The following ABCC8 variants were observed in gnomAD, a reference collection of about 807,000 sequenced individuals.
ABCC8 encodes ATP binding cassette subfamily C member 8.
ABCC8 carries 137 observed loss-of-function variants against 188.0 expected under a neutral mutation model. The observed-to-expected ratio is 0.73, with a 90% CI of 0.63 to 0.84. The LOEUF is 0.84. ABCC8 is among the 40% of genes least tolerant of loss of function. The pLI is 0.00. For synonymous variants in ABCC8, 797 were observed against 846.5 expected, an observed-to-expected ratio of 0.94 and a Z score of 1.01; for missense variants, 1,750 against 2,072.7, an observed-to-expected ratio of 0.84 and a Z score of 3.02.
chr11:17,453,397 C>A, intron 6 of ABCC8, 114 bp from the exon 7 acceptor site: 1 of 1,396,138 alleles, frequency 7.2e-7, no homozygotes, highest in Non-Finnish European at 9.9e-7. Context: ...ACCCTCTGGG[C>A]TTGCAAAGGC....
At chr11:17,453,617 G>C (rs57145301) in intron 6 of ABCC8, among the ~76,000 whole-genome samples, 119 of 152,256 alleles carry the variant, frequency 7.8e-4, no homozygotes, top group African/African-American at 2.8e-3. Context: ...AGAATAAATA[G>C]AGCACCTAAA....
downstream of ABCC8, chr11:17,392,850 C>G (rs576302727): frequency 1.1e-5 from 11 of 1,025,882 alleles, no homozygotes; most frequent in Non-Finnish European, 1.6e-5. Context: ...CACCATCCAC[C>G]GCCAGCCCCT....
intron 3 of ABCC8, among the ~76,000 whole-genome samples, chr11:17,464,305 C>T (rs1848011819): frequency 6.6e-6 from 1 of 152,196 alleles, no homozygotes; most frequent in African/African-American, 2.4e-5. Flanking sequence ...CAGTTCAGAG[C>T]CCACCACAGC....
At chr11:17,449,661 TA>T (rs1306888920) in intron 7 of ABCC8, among the ~76,000 whole-genome samples, 1 of 152,252 alleles carries the variant, frequency 6.6e-6, no homozygotes. Flanking sequence ...ATCCGGGTCT[TA>T]AATGTCCTCA....
chr11:17,396,274 G>C, intron 33 of ABCC8: 1 of 440,968 alleles, frequency 2.3e-6, no homozygotes, highest in South Asian at 2.1e-5. Flanking sequence ...AGGGGCAGCT[G>C]AGAGTGGTAT....
intron 22 of ABCC8, 191 bp from the exon 23 acceptor site, chr11:17,408,708 T>TA (rs1954657741): frequency 2.4e-6 from 1 of 413,948 alleles, no homozygotes; most frequent in African/African-American, 2.2e-5. Context: ...GGACCTAGAG[T>TA]TCGGTACATC....
At position 17,415,267 on chromosome 11, in the gene ABCC8, G is replaced by A. The variant is rs1382535236; in HGVS notation, c.2291+37C>T. 2 of 1,596,496 alleles carry A rather than the reference G, an allele frequency of 1.3e-6. 1 individual carries two copies. Among genetic ancestry groups the A allele is most frequent in the South Asian group, 2.3e-5 (2 of 87,250 alleles). On this transcript the variant is annotated intron_variant, in intron 18 of 38. Coordinates refer to ENST00000389817, the MANE Select transcript of ABCC8 (RefSeq NM_000352.6). Reference sequence around the variant, plus strand: ...TGGGCCTGAGAGCACCCTGGAGGGAGTTGACCCTGGGGGGCAATGTTCCCA... The same window carrying A: ...TGGGCCTGAGAGCACCCTGGAGGGAATTGACCCTGGGGGGCAATGTTCCCA...
intron 35 of ABCC8, 145 bp from the exon 36 acceptor site, chr11:17,395,420 C>T (rs1414945501): frequency 6.7e-7 from 1 of 1,503,604 alleles, no homozygotes; most frequent in Non-Finnish European, 8.9e-7. Flanking sequence ...GGGTGGGGGA[C>T]AGCATCTTAG....
At chr11:17,393,553 G>A (rs2133392292) in intron 38 of ABCC8, 144 bp downstream of exon 38, 2 of 1,337,946 alleles carry the variant, frequency 1.5e-6, no homozygotes, top group Admixed American at 1.7e-5. Flanking sequence ...TGCCCTCCAG[G>A]CCCCTTGCCC....
intron 3 of ABCC8, among the ~76,000 whole-genome samples, chr11:17,464,066 T>A (rs1388546995): frequency 6.6e-6 from 1 of 152,196 alleles, no homozygotes; most frequent in Non-Finnish European, 1.5e-5. Flanking sequence ...CACACACCCA[T>A]TAACTGGCAG....
chr11:17,458,035 G>A (rs1298758251), intron 6 of ABCC8, among the ~76,000 whole-genome samples: 2 of 152,200 alleles, frequency 1.3e-5, no homozygotes, highest in Non-Finnish European at 2.9e-5. Context: ...AATGATCTCA[G>A]TAAATGATCC....
At chr11:17,394,087 T>C (rs1195583404) in intron 37 of ABCC8, among the ~76,000 whole-genome samples, 179 bp downstream of exon 37, 1 of 152,208 alleles carries the variant, frequency 6.6e-6, no homozygotes, top group East Asian at 1.9e-4. Context: ...TGTGTGTGTG[T>C]AACATTCCCT....
rs1057517139 is a variant in ABCC8 at position 17,461,713 on chromosome 11, C to A, written c.692G>T (p.Trp231Leu). 1 of 1,614,196 alleles carries A rather than the reference C, an allele frequency of 6.2e-7. No individual in the cohort carries two copies. Among genetic ancestry groups the A allele is most frequent in the South Asian group, 1.1e-5 (1 of 91,084 alleles). ...AGTCTTGATGAAGGCGTTCATCCAC[C>A]AGTAGGTGCCTTTGGACAGCAGATT... ...FVNLLSKGTYWWMNAFIKTAH... is the reference protein window; with the variant it reads ...FVNLLSKGTYLWMNAFIKTAH... The change falls in exon 5 of 39, where the codon TGG becomes TTG. Residue 231 changes from tryptophan to leucine, a missense_variant. Trp to Leu is a moderately conservative substitution (Grantham distance 61). Transcript: ENST00000389817.
intron 28 of ABCC8, among the ~76,000 whole-genome samples, chr11:17,403,862 A>T (rs1010590502): frequency 1.3e-5 from 2 of 152,224 alleles, no homozygotes; most frequent in Non-Finnish European, 2.9e-5. Context: ...TGTAATTGGC[A>T]GTTTGAGAAA....
intron 19 of ABCC8, among the ~76,000 whole-genome samples, chr11:17,414,272 G>A (rs1469992923): frequency 6.6e-6 from 1 of 152,174 alleles, no homozygotes; most frequent in African/African-American, 2.4e-5. Context: ...AAAAGGCAGC[G>A]GGGCTCTCTC....
intron 7 of ABCC8, among the ~76,000 whole-genome samples, chr11:17,449,697 CTAT>C (rs1193213289): frequency 6.6e-6 from 1 of 152,222 alleles, no homozygotes; most frequent in Non-Finnish European, 1.5e-5. Flanking sequence ...GGATAAAATT[CTAT>C]TATTCATTCT....
Position 17,413,401 on chromosome 11 carries a change from C to T in ABCC8, c.2468G>A (p.Gly823Glu). 6.2e-7 allele frequency: 1 copy of T among 1,614,186 alleles called. No homozygotes were observed. The highest frequency in any genetic ancestry group is 8.5e-7 in the Non-Finnish European group (1 of 1,180,028). Residue 823 changes from glycine (G) to glutamate (E), a missense_variant, in exon 20 of 39, where the codon GGG becomes GAG. Physicochemically the swap from Gly to Glu is moderately conservative, Grantham distance 98. Coordinates refer to ENST00000389817, the MANE Select transcript of ABCC8 (RefSeq NM_000352.6). Reference sequence around the variant, plus strand: ...TCAGAGGCTGCTACTAACCCGTTCCCCAATCTGGGTCTGGTCTCCATGGGG... The same window carrying T: ...TCAGAGGCTGCTACTAACCCGTTCCTCAATCTGGGTCTGGTCTCCATGGGG... ...ILPHGDQTQI[G>E]ERGINLSGGQ...
intron 10 of ABCC8, among the ~76,000 whole-genome samples, chr11:17,432,626 C>T (rs999544522): frequency 2.0e-5 from 3 of 152,180 alleles, no homozygotes; most frequent in Non-Finnish European, 2.9e-5. Flanking sequence ...CCTTTGGCTC[C>T]TGTGTCCCCC....
intron 1 of ABCC8, among the ~76,000 whole-genome samples, 178 bp downstream of exon 1, chr11:17,476,451 G>A (rs954877986): frequency 3.3e-5 from 5 of 152,342 alleles, no homozygotes; most frequent in Middle Eastern, 3.4e-3. Flanking sequence ...GGAGTGAAGG[G>A]ATGAGCTGGT....
Sources: gnomAD v4.1 joint callset for allele counts (sites outside exome capture counted in the v4.1 genomes callset) on GRCh38, gnomAD v4.1.1 for gene constraint, MANE v1.5 for transcripts, NCBI Gene and HGNC (gene_info 2026-07-23, HGNC 2026-07-21) for gene names.